SLC22A23: variants seen among roughly 807,000 people sequenced by gnomAD.
SLC22A23 encodes the protein solute carrier family 22 member 23.
SLC22A23 carries 26 observed loss-of-function variants against 61.0 expected under a neutral mutation model. The observed-to-expected ratio is 0.43, with a 90% CI of 0.31 to 0.59. The LOEUF is 0.59. Among genes scored for constraint, SLC22A23 ranks in the 20% least tolerant of loss-of-function variants. The pLI, the probability that SLC22A23 is intolerant of heterozygous loss-of-function variation, is 0.11. For synonymous variants in SLC22A23, 430 were observed against 413.9 expected (o/e 1.04, Z -0.47); for missense variants, 796 against 934.7 (o/e 0.85, Z 1.94).
At chr6:3,294,749 T>G (rs1331281323) in intron 5 of SLC22A23, among the ~76,000 whole-genome samples, 2 of 152,226 alleles carry the variant, frequency 1.3e-5, no homozygotes, top group Admixed American at 1.3e-4. Context: ...GAGAGAATGA[T>G]GCTCAGGAAC....
chr6:3,348,328 G>A (rs779696155), intron 3 of SLC22A23, among the ~76,000 whole-genome samples: 4 of 152,136 alleles, frequency 2.6e-5, no homozygotes, highest in African/African-American at 7.2e-5. Context: ...AAGCCTAGGC[G>A]CCATCTTTCC....
At chr6:3,411,906 C>T (rs1769281034) in intron 2 of SLC22A23, among the ~76,000 whole-genome samples, 1 of 152,216 alleles carries the variant, frequency 6.6e-6, no homozygotes, top group Non-Finnish European at 1.5e-5. Flanking sequence ...TTGTCCAAAT[C>T]TAACTCATTG....
At chr6:3,274,442 CTTTGG>C (rs1274891915) in intron 9 of SLC22A23, among the ~76,000 whole-genome samples, 1 of 152,172 alleles carries the variant, frequency 6.6e-6, no homozygotes, top group African/African-American at 2.4e-5. Flanking sequence ...TAGACTGGTC[CTTTGG>C]TTTGGGGAAG....
rs1395968745 is a variant in SLC22A23 at position 3,291,354 on chromosome 6, T to TTTA, written c.1211-1489_1211-1488insTAA. On this transcript the variant is annotated intron_variant, in intron 5 of 9. Transcript: ENST00000406686. ...CATTATAGTTTGAAGAAAAAATGTGTTGCTAAACCGTAGGGATTTGAATAA... is the reference window on the plus strand; with the variant it reads ...CATTATAGTTTGAAGAAAAAATGTGTTTATGCTAAACCGTAGGGATTTGAATAA... 4 of 152,326 alleles carry TTTA rather than the reference T, an allele frequency of 2.6e-5. No homozygotes were observed. In the South Asian group the frequency reaches 8.3e-4, roughly 32 times the overall value. 9.4% of individuals were successfully genotyped at this position (152,326 alleles called of 1,614,324 possible).
At chr6:3,370,297 C>T (rs1407440151) in intron 3 of SLC22A23, among the ~76,000 whole-genome samples, 1 of 152,252 alleles carries the variant, frequency 6.6e-6, no homozygotes, top group Non-Finnish European at 1.5e-5. Flanking sequence ...ATGCTTAAAA[C>T]AAGCTTCAGA....
Position 3,348,220 on chromosome 6 carries a change from C to A in SLC22A23, c.914-24218G>T, listed in dbSNP as rs781652148. ...CGTTCCACGATTCCATGCTTGGGGA[C>A]GGAAGGATGTGGGGATGTGGGGAAG... On this transcript the variant is annotated intron_variant, in intron 3 of 9. Transcript: ENST00000406686. Among the ~76,000 whole-genome samples, 9 of 152,204 alleles carry A rather than the reference C, an allele frequency of 5.9e-5. No individual in the cohort carries two copies. In the East Asian group the frequency reaches 1.7e-3, roughly 29 times the overall value.
chr6:3,361,912 G>T (rs961724583), intron 3 of SLC22A23, among the ~76,000 whole-genome samples: 1 of 152,150 alleles, frequency 6.6e-6, no homozygotes. Context: ...AATCAGGCAT[G>T]GAAAATACTC....
chr6:3,320,737 G>C (rs1201150130), intron 4 of SLC22A23, among the ~76,000 whole-genome samples: 7 of 152,126 alleles, frequency 4.6e-5, no homozygotes, highest in African/African-American at 1.4e-4. Context: ...AAGGCTGGTA[G>C]GCAAAGGTGG....
intron 1 of SLC22A23, among the ~76,000 whole-genome samples, chr6:3,439,108 G>A (rs185637406): frequency 1.3e-5 from 2 of 150,980 alleles, no homozygotes; most frequent in Admixed American, 1.3e-4. Context: ...CCGTATTTGG[G>A]GCCGGATCTG....
chr6:3,374,133 A>C (rs1319754176), intron 3 of SLC22A23, among the ~76,000 whole-genome samples: 1 of 152,250 alleles, frequency 6.6e-6, no homozygotes, highest in Non-Finnish European at 1.5e-5. Context: ...CTGCACTAGC[A>C]TAAACACAGG....
In SLC22A23 at chr6:3,304,913, G is replaced by A. The variant is rs1485958726; in HGVS notation, c.1083-6695C>T. ...AGAGGAGAGGGATGCAGGGCCCAGGGAGTGGAAGATCCTGAGTGTTATGGG... is the reference window on the plus strand; with the variant it reads ...AGAGGAGAGGGATGCAGGGCCCAGGAAGTGGAAGATCCTGAGTGTTATGGG... On this transcript the variant is annotated intron_variant, in intron 4 of 9. Transcript: ENST00000406686. The surrounding 1 kb of genome is among the most constrained non-coding windows in gnomAD (Gnocchi z 4.3). Among the ~76,000 whole-genome samples the A allele has an allele frequency of 6.6e-6, 1 of 152,120 alleles. No individual in the cohort carries two copies. The highest frequency in any genetic ancestry group is 1.5e-5 in the Non-Finnish European group (1 of 68,000).
At chr6:3,376,545 G>A (rs533034188) in intron 3 of SLC22A23, among the ~76,000 whole-genome samples, 7 of 152,204 alleles carry the variant, frequency 4.6e-5, no homozygotes, top group African/African-American at 1.7e-4. Flanking sequence ...CTTCCATAGG[G>A]AGACTTTCCT....
chr6:3,310,311 A>AGGG (rs1762288663), intron 4 of SLC22A23, among the ~76,000 whole-genome samples: 2 of 88,870 alleles, frequency 2.3e-5, no homozygotes, highest in East Asian at 3.2e-4. Context: ...TCTCCCACTC[A>AGGG]AGCACCCTGC....
intron 1 of SLC22A23, among the ~76,000 whole-genome samples, chr6:3,417,425 T>C (rs912241401): frequency 1.3e-5 from 2 of 152,180 alleles, no homozygotes; most frequent in African/African-American, 2.4e-5. Flanking sequence ...GAATTTGCTG[T>C]TGTCAGGGTT....
rs982868495 is a variant in SLC22A23, at chr6:3,317,833, G to A, written c.1082+6001C>T. Among the ~76,000 whole-genome samples, 6 of 152,012 alleles carry A rather than the reference G, an allele frequency of 3.9e-5. No individual in the cohort carries two copies. Among genetic ancestry groups the A allele is most frequent in the African/African-American group, 1.2e-4 (5 of 41,364 alleles). ...AACCACACGAGAGGACCAGGCGAGCGCACCCTCCCATTCTCTGGCCACCAG... is the reference window on the plus strand; with the variant it reads ...AACCACACGAGAGGACCAGGCGAGCACACCCTCCCATTCTCTGGCCACCAG... On this transcript the variant is annotated intron_variant, in intron 4 of 9. Transcript: ENST00000406686. The surrounding 1 kb of genome is among the most constrained non-coding windows in gnomAD (Gnocchi z 4.4).
At chr6:3,441,101 A>G (rs1771563995) in intron 1 of SLC22A23, among the ~76,000 whole-genome samples, 3 of 152,180 alleles carry the variant, frequency 2.0e-5, no homozygotes, top group Non-Finnish European at 4.4e-5. Flanking sequence ...AGACATGTCG[A>G]GAGGGAGAGG....
rs138414914 is a variant in SLC22A23 at position 3,287,017 on chromosome 6, T to A, written c.1388A>T (p.Glu463Val). The A allele has an allele frequency of 1.2e-6, 2 of 1,614,058 alleles. No homozygotes were observed. Among genetic ancestry groups the A allele is most frequent in the African/African-American group, 2.7e-5 (2 of 74,920 alleles). ...MGHEVKVPLL[E>V]NFYADYYTTA... The stretch of plus-strand genomic sequence containing the variant: ...GGTATAGTAGTCAGCATAGAAGTTC[T>A]CCAGGAGCGGCACCTTCACCTCGTG... The change falls in exon 7 of 10, where the codon GAG (glutamate) becomes GTG (valine). Residue 463 changes from glutamate to valine, a missense_variant. Physicochemically the swap from Glu to Val is moderately radical, Grantham distance 121 (BLOSUM62 -2). Coordinates refer to ENST00000406686, the MANE Select transcript of SLC22A23 (RefSeq NM_015482.2).
chr6:3,435,473 G>C lies in SLC22A23; in HGVS notation c.655-19618C>G, dbSNP rs866712493. 3.1e-4 allele frequency among the ~76,000 whole-genome samples: 47 copies of C among 151,894 alleles called. 1 individual carries two copies. The highest frequency in any genetic ancestry group is 3.9e-4 in the Admixed American group (6 of 15,240). ...TACCTCTCCTGCAGTGGTGGGACCTGCCCTTCCCTCTAGTACCTGCAGCCT... is the reference window on the plus strand; with the variant it reads ...TACCTCTCCTGCAGTGGTGGGACCTCCCCTTCCCTCTAGTACCTGCAGCCT... On this transcript the variant is annotated intron_variant, in intron 1 of 9. Transcript: ENST00000406686.
chr6:3,428,530 C>G (rs1770653956), intron 1 of SLC22A23, among the ~76,000 whole-genome samples: 1 of 152,176 alleles, frequency 6.6e-6, no homozygotes, highest in Non-Finnish European at 1.5e-5. Flanking sequence ...CCAGCCCTGC[C>G]AAAATAATTC....
Sources: allele counts gnomAD v4.1 joint callset (sites outside exome capture counted in the v4.1 genomes callset), GRCh38; gene constraint gnomAD v4.1.1; non-coding constraint Gnocchi (gnomAD v3.1); transcripts MANE v1.5; gene names NCBI Gene and HGNC (gene_info 2026-07-23, HGNC 2026-07-21).